The following WASL variants were observed in gnomAD, a reference collection of about 807,000 sequenced individuals.
The protein encoded by WASL is actin nucleation-promoting factor WASL.
WASL carries 20 observed loss-of-function variants against 55.5 expected under a neutral mutation model. That is an observed-to-expected ratio of 0.36 (90% confidence interval 0.25 to 0.52). The LOEUF is 0.52. Among genes scored for constraint, WASL ranks in the 20% least tolerant of loss-of-function variants. The probability of loss-of-function intolerance (pLI) is 0.92; values close to 1 mark genes in which losing one functional copy is unlikely to be tolerated. For missense variants in WASL, 504 were observed against 622.5 expected (o/e 0.81, Z 2.03); for synonymous variants, 249 against 217.6 (o/e 1.14, Z -1.27).
Position 123,683,525 on chromosome 7 carries a change from A to G in WASL, c.*994T>C, listed in dbSNP as rs1803236574. The G allele has an allele frequency of 6.6e-6, 1 of 152,038 alleles. No individual in the cohort carries two copies. Among genetic ancestry groups the G allele is most frequent in the Non-Finnish European group, 1.5e-5 (1 of 67,944 alleles). The allele number at this position is 152,038 out of a possible 1,614,324, so 9.4% of individuals were successfully genotyped here. A position where few individuals can be genotyped will look rare whatever the true frequency, so the allele number is the denominator to read the frequency against. ...CAATGCATGTTCGGTTCCGTGTTTTAGCGCACACCTTTGCCAACTAGATTA... is the reference window on the plus strand; with the variant it reads ...CAATGCATGTTCGGTTCCGTGTTTTGGCGCACACCTTTGCCAACTAGATTA... On this transcript the variant is annotated 3_prime_UTR_variant, in exon 11 of 11. Coordinates refer to ENST00000223023, the MANE Select transcript of WASL (RefSeq NM_003941.4).
At chr7:123,736,825 T>A (rs1436931277) in intron 1 of WASL, among the ~76,000 whole-genome samples, 1 of 152,170 alleles carries the variant, frequency 6.6e-6, no homozygotes, top group Non-Finnish European at 1.5e-5. Context: ...AATCCAATGC[T>A]ACTCCAAATC....
intron 4 of WASL, among the ~76,000 whole-genome samples, chr7:123,705,050 C>T (rs920418523): frequency 6.6e-6 from 1 of 152,108 alleles, no homozygotes. Flanking sequence ...ACCTAATCTA[C>T]AATTCTAAAA....
chr7:123,747,039 T>C (rs1423235583), intron 1 of WASL, among the ~76,000 whole-genome samples: 1 of 152,260 alleles, frequency 6.6e-6, no homozygotes, highest in African/African-American at 2.4e-5. Context: ...AAGAATCTTG[T>C]ATTTTAATTA....
chr7:123,736,669 C>G (rs1180452975), intron 1 of WASL, among the ~76,000 whole-genome samples: 1 of 151,822 alleles, frequency 6.6e-6, no homozygotes, highest in Non-Finnish European at 1.5e-5. Flanking sequence ...TATTATTTTG[C>G]ACTTCAAAAA....
rs1803243874 is a variant in WASL, at chr7:123,683,955, G to A, written c.*564C>T. 1 of 151,928 alleles carries A rather than the reference G, an allele frequency of 6.6e-6. No individual in the cohort carries two copies. The highest frequency in any genetic ancestry group is 1.5e-5 in the Non-Finnish European group (1 of 67,928). The allele number at this position is 151,928 out of a possible 1,614,324, so 9.4% of individuals were successfully genotyped here. A position where few individuals can be genotyped will look rare whatever the true frequency, so the allele number is the denominator to read the frequency against. On this transcript the variant is annotated 3_prime_UTR_variant, in exon 11 of 11. Transcript: ENST00000223023. ...TCTTCCCCACTAGTATCTCTGTAGTGATTTTATGTAGAGCATATTGCTAAA... is the reference window on the plus strand; with the variant it reads ...TCTTCCCCACTAGTATCTCTGTAGTAATTTTATGTAGAGCATATTGCTAAA...
chr7:123,717,857 T>C (rs985672795), intron 1 of WASL, among the ~76,000 whole-genome samples: 3 of 152,218 alleles, frequency 2.0e-5, no homozygotes, highest in Non-Finnish European at 4.4e-5. Context: ...AACTCATCCA[T>C]TGTTGCACAC....
chr7:123,704,613 A>G (rs749111853), intron 5 of WASL, 21 bp downstream of exon 5: 2 of 1,507,566 alleles, frequency 1.3e-6, no homozygotes, highest in South Asian at 2.4e-5. Context: ...TTAAAAGATT[A>G]ATAATTGTCA....
rs1215369526 is a variant in WASL, at chr7:123,716,769, T to C, written c.118-7546A>G. On this transcript the variant is annotated intron_variant, in intron 1 of 10. Coordinates refer to ENST00000223023, the MANE Select transcript of WASL (RefSeq NM_003941.4). ...CAGTTTGGGATGAGAGGGTGAAAAGTAGTTACTGCAGTTGCTGGTGGGATG... is the reference window on the plus strand; with the variant it reads ...CAGTTTGGGATGAGAGGGTGAAAAGCAGTTACTGCAGTTGCTGGTGGGATG... Among the ~76,000 whole-genome samples, 5 of 152,202 alleles carry C rather than the reference T, an allele frequency of 3.3e-5. No homozygotes were observed. In the South Asian group the frequency reaches 6.2e-4, roughly 19 times the overall value.
At position 123,712,547 on chromosome 7, in the gene WASL, A is replaced by G. The variant is rs554635286; in HGVS notation, c.118-3324T>C. Among the ~76,000 whole-genome samples the G allele has an allele frequency of 4.6e-4, 70 of 152,348 alleles. No homozygotes were observed. In the South Asian group the frequency reaches 0.014, roughly 30 times the overall value. On this transcript the variant is annotated intron_variant, in intron 1 of 10. Transcript: ENST00000223023. Reference sequence around the variant, plus strand: ...ATAGAGAAAAAAACATGGTAAATGTAATAAACATTTGGCAAATCTGGATGA... The same window carrying G: ...ATAGAGAAAAAAACATGGTAAATGTGATAAACATTTGGCAAATCTGGATGA...
chr7:123,682,828 G>C lies in WASL; in HGVS notation c.*1691C>G, dbSNP rs1803219267. 2 of 152,040 alleles carry C rather than the reference G, an allele frequency of 1.3e-5. No homozygotes were observed. Among genetic ancestry groups the C allele is most frequent in the African/African-American group, 4.8e-5 (2 of 41,386 alleles). 9.4% of individuals were successfully genotyped at this position (152,040 alleles called of 1,614,324 possible). On this transcript the variant is annotated 3_prime_UTR_variant, in exon 11 of 11. Coordinates refer to ENST00000223023, the MANE Select transcript of WASL (RefSeq NM_003941.4). ...GTAGAAAAAGGTTTCTAGCAGCAGA[G>C]GGCACTGTTGTTGCAAGAAACAAAA...
intron 9 of WASL, 75 bp downstream of exon 9, chr7:123,692,272 A>G: frequency 4.6e-6 from 7 of 1,514,044 alleles, no homozygotes; most frequent in Non-Finnish European, 5.3e-6. Flanking sequence ...CTTTTCAAAA[A>G]TATCTTTCAA....
intron 1 of WASL, among the ~76,000 whole-genome samples, chr7:123,725,463 T>G (rs1401657023): frequency 6.6e-6 from 1 of 152,166 alleles, no homozygotes; most frequent in Non-Finnish European, 1.5e-5. Flanking sequence ...ACAGAATTTA[T>G]GCCTCTGAAA....
At position 123,692,882 on chromosome 7, in the gene WASL, GA is replaced by G. The variant is rs556273971; in HGVS notation, c.827-16del. 3.1e-4 allele frequency: 412 copies of G among 1,343,748 alleles called. No homozygotes were observed. In the African/African-American group the frequency reaches 5.7e-3, roughly 18 times the overall value. 83.2% of individuals were successfully genotyped at this position (1,343,748 alleles called of 1,614,324 possible). On this transcript the variant is annotated splice_polypyrimidine_tract_variant and intron_variant, in intron 8 of 10. Transcript: ENST00000223023. Reference sequence around the variant, plus strand: ...AGGTGGTGGTGCTGAAATGCAAACAGAAAAAAAGAAGGCATGCTTTTTTCTT... The same window carrying G: ...AGGTGGTGGTGCTGAAATGCAAACAGAAAAAAGAAGGCATGCTTTTTTCTT...
At position 123,696,638 on chromosome 7, in the gene WASL, CT is replaced by C; in HGVS notation, c.569del (p.Lys190ArgfsTer9). 1 of 1,602,458 alleles carries C rather than the reference CT, an allele frequency of 6.2e-7. No individual in the cohort carries two copies. ...NNISHTKEKK[K>X]GKAKKKRLTK... ...TTAATCTCTTCTTTTTAGCTTTTCC[CT>C]TCTTCTTTTCTTTGGTATGGGAGAT... On this transcript the variant is annotated frameshift_variant, in exon 6 of 11. Transcript: ENST00000223023. LOFTEE classifies it high-confidence loss of function.
chr7:123,718,995 A>G (rs1282647483), intron 1 of WASL, among the ~76,000 whole-genome samples: 22 of 152,210 alleles, frequency 1.4e-4, no homozygotes, highest in Admixed American at 1.2e-3. Context: ...CTCCAGTTAC[A>G]GCATACTTAC....
intron 10 of WASL, among the ~76,000 whole-genome samples, chr7:123,686,325 C>T (rs1215408645): frequency 1.3e-5 from 2 of 151,968 alleles, no homozygotes; most frequent in Non-Finnish European, 2.9e-5. Context: ...AAATAATTTG[C>T]TACCAGATTT....
intron 1 of WASL, among the ~76,000 whole-genome samples, chr7:123,730,219 A>G (rs985133740): frequency 6.6e-6 from 1 of 152,340 alleles, no homozygotes; most frequent in East Asian, 1.9e-4. Flanking sequence ...AAAGTTCTTT[A>G]GAGAAAATGA....
chr7:123,689,456 GCA>G (rs1803358097), intron 9 of WASL, among the ~76,000 whole-genome samples: 2 of 152,056 alleles, frequency 1.3e-5, no homozygotes, highest in South Asian at 2.1e-4. Flanking sequence ...GTTTATTCCA[GCA>G]CACACAGACT....
intron 1 of WASL, among the ~76,000 whole-genome samples, chr7:123,744,149 T>C (rs749193907): frequency 2.0e-5 from 3 of 152,196 alleles, no homozygotes; most frequent in Non-Finnish European, 4.4e-5. Context: ...TAAGAATCCC[T>C]ACCCAACAGG....
Sources: allele counts gnomAD v4.1 joint callset (sites outside exome capture counted in the v4.1 genomes callset), GRCh38; gene constraint gnomAD v4.1.1; transcripts MANE v1.5; gene names NCBI Gene and HGNC (gene_info 2026-07-23, HGNC 2026-07-21).